The following HIVEP3 variants were observed in gnomAD, a reference collection of about 807,000 sequenced individuals.
HIVEP3 encodes the protein transcription factor HIVEP3.
A neutral mutation model predicts 152.8 loss-of-function variants in HIVEP3; 49 were observed. That is an observed-to-expected ratio of 0.32 (90% confidence interval 0.26 to 0.41). HIVEP3 has a LOEUF of 0.41. HIVEP3 is among the 10% of genes least tolerant of loss of function. The pLI is 1.00. For synonymous variants in HIVEP3, 1,269 were observed against 1,289.0 expected (o/e 0.98, Z 0.33); for missense variants, 2,790 against 3,103.3 (o/e 0.90, Z 2.40).
In HIVEP3 at chr1:41,584,041, C is replaced by T. The variant is rs1355782787; in HGVS notation, c.757G>A (p.Gly253Ser). 1.9e-6 allele frequency: 3 copies of T among 1,614,210 alleles called. No individual in the cohort carries two copies. The highest frequency in any genetic ancestry group is 3.3e-5 in the Admixed American group (2 of 60,036). The change falls in exon 4 of 9, where the codon GGC becomes AGC. Residue 253 changes from glycine (G) to serine (S), a missense_variant. Around this residue, in one of 9 missense-constraint regions of HIVEP3, gnomAD observed 125 missense variants for 130.1 expected, o/e 0.96. Coordinates refer to ENST00000372583, the MANE Select transcript of HIVEP3 (RefSeq NM_024503.5). The surrounding 1 kb of genome is among the most constrained non-coding windows in gnomAD (Gnocchi z 5.2). The stretch of plus-strand genomic sequence containing the variant: ...TGTGGGTACATCTCGCCACCCATGC[C>T]TGAGGCCAGGCCTGCTTTGATGCGG... ...AHRIKAGLAS[G>S]MGGEMYPHGL...
intron 2 of HIVEP3, among the ~76,000 whole-genome samples, chr1:41,647,304 C>T (rs34124744): frequency 0.034 from 5,126 of 152,138 alleles, 142 homozygotes; most frequent in East Asian, 0.085. Flanking sequence ...GGAAGGTGGC[C>T]CAGGATGAGA....
At chr1:41,783,503 C>T (rs1340218808) in intron 1 of HIVEP3, among the ~76,000 whole-genome samples, 1 of 152,092 alleles carries the variant, frequency 6.6e-6, no homozygotes, top group Non-Finnish European at 1.5e-5. Flanking sequence ...TGGCATAGGC[C>T]GGAGGGCTCG....
Position 41,524,723 on chromosome 1 carries a change from ACTCT to A in HIVEP3, c.5383+8_5383+11del, listed in dbSNP as rs773327111. 10 of 1,612,604 alleles carry A rather than the reference ACTCT, an allele frequency of 6.2e-6. No individual in the cohort carries two copies. Among genetic ancestry groups the A allele is most frequent in the Non-Finnish European group, 8.5e-6 (10 of 1,179,506 alleles). On this transcript the variant is annotated splice_region_variant and intron_variant, in intron 6 of 8. Coordinates refer to ENST00000372583, the MANE Select transcript of HIVEP3 (RefSeq NM_024503.5). ...GCGGGCAGGGGCAGTGCCCCAGCTG[ACTCT>A]CTCTTACCTTTGGTTTTAAAAGCAA...
At chr1:41,913,589 G>T (rs1644828501) in intron 1 of HIVEP3, among the ~76,000 whole-genome samples, 1 of 151,984 alleles carries the variant, frequency 6.6e-6, no homozygotes, top group Non-Finnish European at 1.5e-5. Flanking sequence ...TTAAGACAGG[G>T]TCTTGCTATG....
chr1:41,741,200 A>G (rs1490254256), intron 1 of HIVEP3, among the ~76,000 whole-genome samples: 1 of 152,180 alleles, frequency 6.6e-6, no homozygotes. Flanking sequence ...TTTGCTTTCA[A>G]AAAAGGAGGG....
chr1:41,840,659 A>G (rs1216651781), intron 1 of HIVEP3, among the ~76,000 whole-genome samples: 1 of 152,178 alleles, frequency 6.6e-6, no homozygotes. Context: ...CTCTCCCTCA[A>G]AGACAGCCAG....
chr1:41,584,934 T>C lies in HIVEP3; in HGVS notation c.-137A>G, dbSNP rs1234261948. The C allele has an allele frequency of 5.1e-5, 39 of 767,374 alleles. No homozygotes were observed. The East Asian group carries it at 1.1e-3, about 22-fold the overall frequency. The allele number at this position is 767,374 out of a possible 1,614,324, so 47.5% of individuals were successfully genotyped here. On this transcript the variant is annotated 5_prime_UTR_variant, in exon 4 of 9. Coordinates refer to ENST00000372583, the MANE Select transcript of HIVEP3 (RefSeq NM_024503.5). This position sits in a 1 kb window ranked among gnomAD's most constrained non-coding sequence, Gnocchi z 5.2. The stretch of plus-strand genomic sequence containing the variant: ...CTGTGGGAGCCAAACCCAAGACGGC[T>C]TTGGGAGTTTTTTGCAAGTGTCACT...
At chr1:41,977,470 A>C (rs1209773203) in intron 1 of HIVEP3, among the ~76,000 whole-genome samples, 1 of 152,112 alleles carries the variant, frequency 6.6e-6, no homozygotes, top group African/African-American at 2.4e-5. Context: ...CCCACCTGCC[A>C]GCCGCCGGTG....
At chr1:41,796,208 C>T (rs1261215092) in intron 1 of HIVEP3, among the ~76,000 whole-genome samples, 1 of 152,224 alleles carries the variant, frequency 6.6e-6, no homozygotes, top group Non-Finnish European at 1.5e-5. Flanking sequence ...ACCTCTAAAG[C>T]ACCTCTGAAT....
At chr1:41,532,519 A>G (rs1012858780) in intron 5 of HIVEP3, among the ~76,000 whole-genome samples, 1 of 152,132 alleles carries the variant, frequency 6.6e-6, no homozygotes, top group African/African-American at 2.4e-5. Flanking sequence ...TCTCTAAGAG[A>G]GGATATTCCC....
intron 1 of HIVEP3, among the ~76,000 whole-genome samples, chr1:41,886,434 C>T (rs1434287217): frequency 1.3e-5 from 2 of 151,986 alleles, no homozygotes; most frequent in Non-Finnish European, 2.9e-5. Context: ...CAGAGCGGTC[C>T]GGGTGCGGTG....
chr1:41,525,784 A>G (rs1642882830), intron 5 of HIVEP3, among the ~76,000 whole-genome samples: 1 of 152,206 alleles, frequency 6.6e-6, no homozygotes, highest in Admixed American at 6.5e-5. Flanking sequence ...CAACAGGATC[A>G]CGATGAAGCT....
intron 5 of HIVEP3, among the ~76,000 whole-genome samples, chr1:41,568,052 T>C (rs773068552): frequency 2.0e-5 from 3 of 152,186 alleles, no homozygotes; most frequent in African/African-American, 4.8e-5. Flanking sequence ...CTTCATTTAA[T>C]AGATATTCCC....
At position 41,581,936 on chromosome 1, in the gene HIVEP3, A is replaced by G. The variant is rs898806933; in HGVS notation, c.2862T>C (p.His954=). Residue 954 remains histidine, a synonymous_variant, in exon 4 of 9, where the codon CAT becomes CAC. Coordinates refer to ENST00000372583, the MANE Select transcript of HIVEP3 (RefSeq NM_024503.5). This position sits in a 1 kb window ranked among gnomAD's most constrained non-coding sequence, Gnocchi z 4.5. The part of the protein sequence containing the change: ...SRSASFERDD[H]GKAEAPSPSS... The stretch of plus-strand genomic sequence containing the variant: ...AGGGACTGGGGGCCTCGGCTTTCCC[A>G]TGGTCATCCCTCTCAAACGAGGCTG... The G allele has an allele frequency of 6.2e-7, 1 of 1,614,004 alleles. No individual in the cohort carries two copies. The highest frequency in any genetic ancestry group is 8.5e-7 in the Non-Finnish European group (1 of 1,180,032).
At chr1:41,786,207 T>C (rs1452039133) in intron 1 of HIVEP3, among the ~76,000 whole-genome samples, 2 of 152,216 alleles carry the variant, frequency 1.3e-5, no homozygotes, top group African/African-American at 2.4e-5. Flanking sequence ...AATGGGAACA[T>C]TAATGATACT....
chr1:41,856,026 C>T (rs1305003227), intron 1 of HIVEP3, among the ~76,000 whole-genome samples: 2 of 152,226 alleles, frequency 1.3e-5, no homozygotes, highest in Admixed American at 1.3e-4. Flanking sequence ...GCTGGGACTA[C>T]AGGTGCATGC....
chr1:41,872,439 A>G (rs186497983), intron 1 of HIVEP3, among the ~76,000 whole-genome samples: 3 of 152,316 alleles, frequency 2.0e-5, no homozygotes, highest in East Asian at 3.9e-4. Context: ...TTGTCTACCT[A>G]TTAAGCTAGG....
chr1:41,696,840 A>AT (rs1558188113), intron 2 of HIVEP3, among the ~76,000 whole-genome samples: 2 of 152,100 alleles, frequency 1.3e-5, no homozygotes, highest in African/African-American at 2.4e-5. Flanking sequence ...TAGTAGGTGA[A>AT]TTTTTTTTCC....
At chr1:41,732,701 T>G (rs1646859742) in intron 1 of HIVEP3, among the ~76,000 whole-genome samples, 1 of 151,930 alleles carries the variant, frequency 6.6e-6, no homozygotes, top group South Asian at 2.1e-4. Context: ...TACACAGCTC[T>G]GCCTACTCCC....
Sources: allele counts gnomAD v4.1 joint callset (sites outside exome capture counted in the v4.1 genomes callset), GRCh38; gene constraint gnomAD v4.1.1; regional missense constraint gnomAD v4.1.1; non-coding constraint Gnocchi (gnomAD v3.1); transcripts MANE v1.5; gene names NCBI Gene and HGNC (gene_info 2026-07-23, HGNC 2026-07-21).